The following RBMS3 variants were observed in gnomAD, a reference collection of about 807,000 sequenced individuals.
The protein encoded by RBMS3 is RNA-binding motif, single-stranded-interacting protein 3.
In RBMS3, 27 loss-of-function variants were observed where a neutral mutation model predicts 66.8. That is an observed-to-expected ratio of 0.40 (90% CI 0.30 to 0.56). RBMS3 has a LOEUF of 0.56. RBMS3 is among the 20% of genes least tolerant of loss of function. RBMS3 has a pLI of 0.40. For missense variants in RBMS3, 513 were observed against 549.5 expected (o/e 0.93, Z 0.66); for synonymous variants, 188 against 183.0 (o/e 1.03, Z -0.22).
intron 6 of RBMS3, among the ~76,000 whole-genome samples, chr3:29,795,134 G>C (rs2057140670): frequency 6.6e-6 from 1 of 152,160 alleles, no homozygotes; most frequent in Non-Finnish European, 1.5e-5. Context: ...TGGGGATTAG[G>C]AAAGGGCACA....
intron 3 of RBMS3, among the ~76,000 whole-genome samples, chr3:29,535,996 C>T (rs2045543938): frequency 1.3e-5 from 2 of 152,032 alleles, no homozygotes; most frequent in African/African-American, 4.8e-5. Context: ...TAAATTTCGT[C>T]TGAAGTTTTG....
chr3:29,791,187 A>G (rs1365839736), intron 6 of RBMS3, among the ~76,000 whole-genome samples: 1 of 152,216 alleles, frequency 6.6e-6, no homozygotes, highest in Non-Finnish European at 1.5e-5. Context: ...GGTGAATAAC[A>G]TTGATTTCTT....
intron 1 of RBMS3, among the ~76,000 whole-genome samples, chr3:29,413,813 A>G (rs552951524): frequency 3.3e-5 from 5 of 152,168 alleles, no homozygotes; most frequent in Admixed American, 3.3e-4. Flanking sequence ...GTTATAAATA[A>G]CTGAGTAGAT....
At chr3:29,697,271 T>C (rs1171911960) in intron 4 of RBMS3, among the ~76,000 whole-genome samples, 1 of 152,222 alleles carries the variant, frequency 6.6e-6, no homozygotes, top group Non-Finnish European at 1.5e-5. Context: ...AAAGCTATCA[T>C]ATACCTATGG....
intron 4 of RBMS3, among the ~76,000 whole-genome samples, chr3:29,682,335 T>C (rs1250815437): frequency 6.6e-6 from 1 of 152,164 alleles, no homozygotes; most frequent in Non-Finnish European, 1.5e-5. Flanking sequence ...TTGTTTGTTT[T>C]AGTAGAGACG....
At position 30,006,563 on chromosome 3, in the gene RBMS3, C is replaced by G. The variant is rs981289924; in HGVS notation, c.*2701C>G. On this transcript the variant is annotated 3_prime_UTR_variant, in exon 15 of 15. Coordinates refer to ENST00000383767, the MANE Select transcript of RBMS3 (RefSeq NM_001003793.3). ...ATAAAGGTGGCACTTAAGTTTTTAT[C>G]TTTGAAAAGTGGGCCCCAAAGTTTT... 2.6e-5 allele frequency: 4 copies of G among 151,876 alleles called. No individual in the cohort carries two copies. Among genetic ancestry groups the G allele is most frequent in the Non-Finnish European group, 5.9e-5 (4 of 67,842 alleles). The allele number at this position is 151,876 out of a possible 1,614,324, so 9.4% of individuals were successfully genotyped here. A position where few individuals can be genotyped will look rare whatever the true frequency, so the allele number is the denominator to read the frequency against.
At chr3:29,719,125 G>A (rs2053531430) in intron 4 of RBMS3, among the ~76,000 whole-genome samples, 1 of 150,068 alleles carries the variant, frequency 6.7e-6, no homozygotes, top group Non-Finnish European at 1.5e-5. Context: ...ATCTGGGGTG[G>A]GGCCTAAGAC....
intron 6 of RBMS3, among the ~76,000 whole-genome samples, chr3:29,795,234 C>A (rs1458433211): frequency 6.6e-6 from 1 of 152,100 alleles, no homozygotes; most frequent in Non-Finnish European, 1.5e-5. Flanking sequence ...TGGGAAAGGA[C>A]AGAAATCACA....
At chr3:29,728,312 A>G (rs1198203344) in intron 4 of RBMS3, among the ~76,000 whole-genome samples, 1 of 152,194 alleles carries the variant, frequency 6.6e-6, no homozygotes, top group African/African-American at 2.4e-5. Context: ...ACCATGGCTC[A>G]TGTATACCTA....
intron 1 of RBMS3, among the ~76,000 whole-genome samples, chr3:29,305,726 T>G (rs1055822033): frequency 6.6e-6 from 1 of 151,976 alleles, no homozygotes; most frequent in African/African-American, 2.4e-5. Context: ...TCAAAATAGC[T>G]TGCCTATTGT....
At chr3:29,807,978 A>G (rs974342916) in intron 6 of RBMS3, among the ~76,000 whole-genome samples, 1 of 151,858 alleles carries the variant, frequency 6.6e-6, no homozygotes, top group Non-Finnish European at 1.5e-5. Context: ...TTCTAATTTA[A>G]TGTTAACAAA....
chr3:29,665,468 C>T (rs931131508), intron 4 of RBMS3, among the ~76,000 whole-genome samples: 5 of 151,874 alleles, frequency 3.3e-5, no homozygotes, highest in African/African-American at 9.7e-5. Flanking sequence ...GTTCTTTTTC[C>T]TCCTCCCCTT....
chr3:29,463,915 C>A, intron 2 of RBMS3, among the ~76,000 whole-genome samples: 1 of 152,134 alleles, frequency 6.6e-6, no homozygotes, highest in Non-Finnish European at 1.5e-5. Context: ...TAACTAGATG[C>A]TGCCCTGCCT....
At chr3:29,815,631 G>T (rs1208734224) in intron 6 of RBMS3, among the ~76,000 whole-genome samples, 2 of 152,170 alleles carry the variant, frequency 1.3e-5, no homozygotes, top group Admixed American at 1.3e-4. Context: ...AATGTCTTTT[G>T]CAGCAACTCG....
chr3:29,434,792 C>A lies in RBMS3; in HGVS notation c.125C>A (p.Thr42Lys). Residue 42 changes from threonine (T) to lysine (K), a missense_variant, in exon 2 of 15, where the codon ACA becomes AAA. By Grantham distance (78) the Thr-to-Lys change is moderately conservative. Transcript: ENST00000383767. ...PHPMAPPSPS[T>K]NSSSNNSSNN... ...CCCATGGCTCCTCCCAGCCCCAGCA[C>A]AAACAGCAGCAGCAACAACAGCAGC... is the stretch of plus-strand genomic sequence containing the variant. 6.2e-7 allele frequency: 1 copy of A among 1,614,084 alleles called. No homozygotes were observed. Among genetic ancestry groups the A allele is most frequent in the Non-Finnish European group, 8.5e-7 (1 of 1,180,006 alleles).
chr3:29,772,706 C>G (rs565588754), intron 6 of RBMS3, among the ~76,000 whole-genome samples: 1 of 151,754 alleles, frequency 6.6e-6, no homozygotes, highest in Non-Finnish European at 1.5e-5. Context: ...GAAGACAGGC[C>G]AGGGTAATCA....
intron 12 of RBMS3, among the ~76,000 whole-genome samples, chr3:29,966,717 T>C (rs964252450): frequency 6.6e-6 from 1 of 152,208 alleles, no homozygotes; most frequent in African/African-American, 2.4e-5. Context: ...GGCTAGGACT[T>C]CCAGTACTAT....
intron 4 of RBMS3, among the ~76,000 whole-genome samples, chr3:29,601,188 T>C (rs981926663): frequency 9.2e-5 from 14 of 151,776 alleles, no homozygotes; most frequent in African/African-American, 3.4e-4. Context: ...TATAAGTACA[T>C]ATAAATATAT....
At chr3:29,394,020 C>T (rs891098287) in intron 1 of RBMS3, among the ~76,000 whole-genome samples, 8 of 152,118 alleles carry the variant, frequency 5.3e-5, no homozygotes, top group African/African-American at 1.7e-4. Flanking sequence ...AAACAGGGTT[C>T]GAGAGCAGAC....
Sources: gnomAD v4.1 joint callset for allele counts (sites outside exome capture counted in the v4.1 genomes callset) on GRCh38, gnomAD v4.1.1 for gene constraint, MANE v1.5 for transcripts, NCBI Gene and HGNC (gene_info 2026-07-23, HGNC 2026-07-21) for gene names.